Variants in FOXL2NB observed in about 807,000 individuals in gnomAD.
The protein encoded by FOXL2NB is FOXL2 neighbor protein.
Under a neutral mutation model 7.4 loss-of-function variants are expected in FOXL2NB, and 10 were observed. The observed-to-expected ratio is 1.34, with a 90% CI of 0.83 to 2.28. The LOEUF (loss-of-function observed/expected upper bound fraction) is 2.28, where lower values mean the gene tolerates loss of function less well. FOXL2NB is among the 30% of genes most tolerant of loss of function. The probability of loss-of-function intolerance (pLI) is 0.00; values close to 1 mark genes in which losing one functional copy is unlikely to be tolerated. For synonymous variants in FOXL2NB, 104 were observed against 105.3 expected (o/e 0.99, Z 0.08); for missense variants, 228 against 233.9 (o/e 0.97, Z 0.17).
Position 138,949,627 on chromosome 3 carries a change from G to T in FOXL2NB, c.208G>T (p.Ala70Ser). 1 of 1,611,956 alleles carries T rather than the reference G, an allele frequency of 6.2e-7. No individual in the cohort carries two copies. The highest frequency in any genetic ancestry group is 2.2e-5 in the East Asian group (1 of 44,876). The change falls in exon 2 of 3, where the codon GCT (alanine) becomes TCT (serine). Residue 70 changes from alanine to serine, a missense_variant. Physicochemically the swap from Ala to Ser is moderately conservative, Grantham distance 99 (BLOSUM62 1). Transcript: ENST00000383165. This position sits in a 1 kb window ranked among gnomAD's most constrained non-coding sequence, Gnocchi z 4.5. Reference protein sequence around the residue: ...CLHMAVRHSKAQKTGPGILQQ... With the variant: ...CLHMAVRHSKSQKTGPGILQQ... ...TCACATGGCTGTCCGGCATTCGAAG[G>T]CTCAGAAAACAGGCAAGAAAATGCG...
rs1936016913 is a variant in FOXL2NB at position 138,947,638 on chromosome 3, G to A, written c.100+174G>A. The A allele has an allele frequency of 7.2e-7, 1 of 1,385,504 alleles. No homozygotes were observed. The highest frequency in any genetic ancestry group is 9.3e-7 in the Non-Finnish European group (1 of 1,073,168). The allele number at this position is 1,385,504 out of a possible 1,614,324, so 85.8% of individuals were successfully genotyped here. A position where few individuals can be genotyped will look rare whatever the true frequency, so the allele number is the denominator to read the frequency against. Reference sequence around the variant, plus strand: ...GAAACGGGTGTGACTGTACGAAGAAGCCTCGGCCTGGCCTGTCCCTCGCGC... The same window carrying A: ...GAAACGGGTGTGACTGTACGAAGAAACCTCGGCCTGGCCTGTCCCTCGCGC... On this transcript the variant is annotated intron_variant, in intron 1 of 2. Coordinates refer to ENST00000383165, the MANE Select transcript of FOXL2NB (RefSeq NM_001040061.3). The surrounding 1 kb of genome is among the most constrained non-coding windows in gnomAD (Gnocchi z 5.2).
chr3:138,947,384 G>A lies in FOXL2NB; in HGVS notation c.20G>A (p.Gly7Glu). 2 of 1,548,622 alleles carry A rather than the reference G, an allele frequency of 1.3e-6. No individual in the cohort carries two copies. The highest frequency in any genetic ancestry group is 1.4e-5 in the African/African-American group (1 of 73,084). Residue 7 changes from glycine to glutamate, a missense_variant, in exon 1 of 3, where the codon GGG (glycine) becomes GAG (glutamate). Gly to Glu is a moderately conservative substitution (Grantham distance 98, BLOSUM62 -2). Transcript: ENST00000383165. The surrounding 1 kb of genome is among the most constrained non-coding windows in gnomAD (Gnocchi z 5.2). MTRTPVGSARTRPKPRK... is the reference protein window; with the variant it reads MTRTPVESARTRPKPRK... ...TGGGAGATGACGAGGACCCCGGTGG[G>A]GTCTGCCCGCACCCGGCCAAAGCCC... is the stretch of plus-strand genomic sequence containing the variant.
Position 138,949,528 on chromosome 3 carries a change from G to A in FOXL2NB, c.109G>A (p.Ala37Thr). The A allele has an allele frequency of 1.9e-6, 3 of 1,614,122 alleles. No homozygotes were observed. Among genetic ancestry groups the A allele is most frequent in the Non-Finnish European group, 2.5e-6 (3 of 1,180,022 alleles). ...QASSRLSESP[A>T]LVKKRMPDAC... ...GTCCCGTAGAGGAACAGAATCCCCA[G>A]CCCTGGTGAAGAAGAGGATGCCTGA... Residue 37 changes from alanine (A) to threonine (T), a missense_variant, in exon 2 of 3, where the codon GCC (alanine) becomes ACC (threonine). Ala to Thr is a moderately conservative substitution (Grantham distance 58, BLOSUM62 0). Transcript: ENST00000383165. The surrounding 1 kb of genome is among the most constrained non-coding windows in gnomAD (Gnocchi z 4.5).
At position 138,950,474 on chromosome 3, in the gene FOXL2NB, C is replaced by G. The variant is rs537914632; in HGVS notation, c.430C>G (p.Pro144Ala). 3 of 1,614,184 alleles carry G rather than the reference C, an allele frequency of 1.9e-6. No homozygotes were observed. In the East Asian group the frequency reaches 6.7e-5, roughly 36 times the overall value. ...CCGAAACACCCGGCGGCTTCCCGCT[C>G]CTGAGCGGGAGAGAATAGAGCTTGC... ...GPRNTRRLPA[P>A]ERERIELAAT... The change falls in exon 3 of 3, where the codon CCT becomes GCT. Residue 144 changes from proline to alanine, a missense_variant. Transcript: ENST00000383165.
In FOXL2NB at chr3:138,950,344, C is replaced by T. The variant is rs1246870395; in HGVS notation, c.300C>T (p.Arg100=). The T allele has an allele frequency of 2.5e-6, 4 of 1,610,874 alleles. No individual in the cohort carries two copies. The Admixed American group carries it at 6.8e-5, about 27-fold the overall frequency. ...SGGPALLGKR[R]GCSEAGSASL... The stretch of plus-strand genomic sequence containing the variant: ...GCCCAGCTCTACTAGGGAAGCGTCG[C>T]GGCTGCTCTGAGGCAGGCAGCGCTT... Residue 100 remains arginine, a synonymous_variant, in exon 3 of 3, where the codon CGC becomes CGT. Transcript: ENST00000383165.
At chr3:138,948,472 C>T (rs1010262043) in intron 1 of FOXL2NB, among the ~76,000 whole-genome samples, 2 of 152,196 alleles carry the variant, frequency 1.3e-5, no homozygotes, top group Admixed American at 6.5e-5. Context: ...AGTCTGCAGT[C>T]ATAAAGTATG....
Position 138,949,839 on chromosome 3 carries a change from A to G in FOXL2NB, c.220+200A>G. ...GCGGGGCGCCCTGATTTACTTCTCAACCTTCGGAGGTAGGCTGGTTGCTGG... is the reference window on the plus strand; with the variant it reads ...GCGGGGCGCCCTGATTTACTTCTCAGCCTTCGGAGGTAGGCTGGTTGCTGG... On this transcript the variant is annotated intron_variant, in intron 2 of 2. Transcript: ENST00000383165. The surrounding 1 kb of genome is among the most constrained non-coding windows in gnomAD (Gnocchi z 4.5). The G allele has an allele frequency of 2.6e-6, 2 of 757,818 alleles. No individual in the cohort carries two copies. The highest frequency in any genetic ancestry group is 2.9e-5 in the South Asian group (2 of 68,272). The allele number at this position is 757,818 out of a possible 1,614,324, so 46.9% of individuals were successfully genotyped here. A position where few individuals can be genotyped will look rare whatever the true frequency, so the allele number is the denominator to read the frequency against.
rs1936159391 is a variant in FOXL2NB, at chr3:138,952,871, G to A, written c.*2299G>A. 6.6e-6 allele frequency: 1 copy of A among 151,652 alleles called. No homozygotes were observed. Among genetic ancestry groups the A allele is most frequent in the African/African-American group, 2.4e-5 (1 of 41,218 alleles). 9.4% of individuals were successfully genotyped at this position (151,652 alleles called of 1,614,324 possible). ...TTAAACAGTTTTGGGGGAACAGGTGGTTTTTGCTTACATGGATAAGTTCTT... is the reference window on the plus strand; with the variant it reads ...TTAAACAGTTTTGGGGGAACAGGTGATTTTTGCTTACATGGATAAGTTCTT... On this transcript the variant is annotated 3_prime_UTR_variant, in exon 3 of 3. Transcript: ENST00000383165.
chr3:138,949,666 G>C lies in FOXL2NB; in HGVS notation c.220+27G>C, dbSNP rs1410292638. The C allele has an allele frequency of 6.2e-7, 1 of 1,613,738 alleles. No individual in the cohort carries two copies. Among genetic ancestry groups the C allele is most frequent in the Non-Finnish European group, 8.5e-7 (1 of 1,179,960 alleles). On this transcript the variant is annotated intron_variant, in intron 2 of 2. Coordinates refer to ENST00000383165, the MANE Select transcript of FOXL2NB (RefSeq NM_001040061.3). This position sits in a 1 kb window ranked among gnomAD's most constrained non-coding sequence, Gnocchi z 4.5. ...CAAGAAAATGCGGGCGGGAAAGCTG[G>C]CAGAATGATTACTTTCAGGTCCCCT... is the stretch of plus-strand genomic sequence containing the variant.
Position 138,950,716 on chromosome 3 carries a change from C to G in FOXL2NB, c.*144C>G. 1.2e-6 allele frequency: 1 copy of G among 825,012 alleles called. No homozygotes were observed. Among genetic ancestry groups the G allele is most frequent in the Non-Finnish European group, 1.9e-6 (1 of 517,046 alleles). 51.1% of individuals were successfully genotyped at this position (825,012 alleles called of 1,614,324 possible). On this transcript the variant is annotated 3_prime_UTR_variant, in exon 3 of 3. Transcript: ENST00000383165. Reference sequence around the variant, plus strand: ...ACTCCATCCACTTCTCTCTCCTTCTCCCTCTGTCAACTCCAAATCCCCTCT... The same window carrying G: ...ACTCCATCCACTTCTCTCTCCTTCTGCCTCTGTCAACTCCAAATCCCCTCT...
rs1936020927 is a variant in FOXL2NB at position 138,947,801 on chromosome 3, CG to C, written c.100+341del. 2.9e-5 allele frequency: 31 copies of C among 1,078,206 alleles called. No homozygotes were observed. In the South Asian group the frequency reaches 8.0e-4, roughly 28 times the overall value. The allele number at this position is 1,078,206 out of a possible 1,614,324, so 66.8% of individuals were successfully genotyped here. A position where few individuals can be genotyped will look rare whatever the true frequency, so the allele number is the denominator to read the frequency against. On this transcript the variant is annotated intron_variant, in intron 1 of 2. Transcript: ENST00000383165. The surrounding 1 kb of genome is among the most constrained non-coding windows in gnomAD (Gnocchi z 5.2). The stretch of plus-strand genomic sequence containing the variant: ...ACCAGGAATCCGTGTACTAATCCTA[CG>C]GGGTTGGAGTGAAGGTTGGATGTGT...
At position 138,949,441 on chromosome 3, in the gene FOXL2NB, G is replaced by A; in HGVS notation, c.101-79G>A. 6.4e-7 allele frequency: 1 copy of A among 1,551,512 alleles called. No individual in the cohort carries two copies. Among genetic ancestry groups the A allele is most frequent in the Non-Finnish European group, 8.8e-7 (1 of 1,137,998 alleles). On this transcript the variant is annotated intron_variant, in intron 1 of 2. Coordinates refer to ENST00000383165, the MANE Select transcript of FOXL2NB (RefSeq NM_001040061.3). The surrounding 1 kb of genome is among the most constrained non-coding windows in gnomAD (Gnocchi z 4.5). ...GTAGGGGTTGGGGGCAAATGAAGGA[G>A]TTCCTCTGAAGGATTTTCAGAATAG...
chr3:138,950,874 C>T lies in FOXL2NB; in HGVS notation c.*302C>T. ...GCTTTTCACACGCTGCTCACTTTCG[C>T]ATCTCACGGTGCAGAAGGACCAATG... On this transcript the variant is annotated 3_prime_UTR_variant, in exon 3 of 3. Coordinates refer to ENST00000383165, the MANE Select transcript of FOXL2NB (RefSeq NM_001040061.3). 2.5e-6 allele frequency: 1 copy of T among 404,972 alleles called. No homozygotes were observed. The highest frequency in any genetic ancestry group is 3.0e-5 in the South Asian group (1 of 33,458). 25.1% of individuals were successfully genotyped at this position (404,972 alleles called of 1,614,324 possible). A position where few individuals can be genotyped will look rare whatever the true frequency, so the allele number is the denominator to read the frequency against.
At position 138,951,570 on chromosome 3, in the gene FOXL2NB, T is replaced by C. The variant is rs1046214124; in HGVS notation, c.*998T>C. ...GAAAAAGGCAGAAGGGTCTGGGTCC[T>C]GGGCCAAGTGAGGCCCTCTTCCCTC... On this transcript the variant is annotated 3_prime_UTR_variant, in exon 3 of 3. Transcript: ENST00000383165. 2.0e-5 allele frequency: 3 copies of C among 152,272 alleles called. No individual in the cohort carries two copies. The highest frequency in any genetic ancestry group is 7.2e-5 in the African/African-American group (3 of 41,470). The allele number at this position is 152,272 out of a possible 1,614,324, so 9.4% of individuals were successfully genotyped here. A position where few individuals can be genotyped will look rare whatever the true frequency, so the allele number is the denominator to read the frequency against.
Position 138,950,635 on chromosome 3 carries a change from A to G in FOXL2NB, c.*63A>G. The G allele has an allele frequency of 1.3e-6, 2 of 1,570,358 alleles. No homozygotes were observed. The highest frequency in any genetic ancestry group is 1.1e-5 in the South Asian group (1 of 87,820). On this transcript the variant is annotated 3_prime_UTR_variant, in exon 3 of 3. Coordinates refer to ENST00000383165, the MANE Select transcript of FOXL2NB (RefSeq NM_001040061.3). Reference sequence around the variant, plus strand: ...CACTCACTCCCTCCCGGCCCCTCACAGGGCCCTTTGCACCCACACCTCAGG... The same window carrying G: ...CACTCACTCCCTCCCGGCCCCTCACGGGGCCCTTTGCACCCACACCTCAGG...
chr3:138,949,580 T>A lies in FOXL2NB; in HGVS notation c.161T>A (p.Ile54Asn). The change falls in exon 2 of 3, where the codon ATC (isoleucine) becomes AAC (asparagine). Residue 54 changes from isoleucine (I) to asparagine (N), a missense_variant. Coordinates refer to ENST00000383165, the MANE Select transcript of FOXL2NB (RefSeq NM_001040061.3). This position sits in a 1 kb window ranked among gnomAD's most constrained non-coding sequence, Gnocchi z 4.5. Reference protein sequence around the residue: ...PDACTLGRAGIGLPKMCLHMA... With the variant: ...PDACTLGRAGNGLPKMCLHMA... ...GCGTGCACCCTGGGAAGGGCTGGAA[T>A]CGGTCTCCCCAAGATGTGCCTTCAC... 1 of 1,613,910 alleles carries A rather than the reference T, an allele frequency of 6.2e-7. No homozygotes were observed. Among genetic ancestry groups the A allele is most frequent in the Non-Finnish European group, 8.5e-7 (1 of 1,179,824 alleles).
Position 138,951,025 on chromosome 3 carries a change from G to A in FOXL2NB, c.*453G>A. ...ATGGGACTGCCGCACAGACCACAGAGAAGCTCAGGTACTGAGCACGTTCCA... is the reference window on the plus strand; with the variant it reads ...ATGGGACTGCCGCACAGACCACAGAAAAGCTCAGGTACTGAGCACGTTCCA... On this transcript the variant is annotated 3_prime_UTR_variant, in exon 3 of 3. Transcript: ENST00000383165. 2 of 192,768 alleles carry A rather than the reference G, an allele frequency of 1.0e-5. No individual in the cohort carries two copies. Among genetic ancestry groups the A allele is most frequent in the Non-Finnish European group, 2.1e-5 (2 of 96,222 alleles). 11.9% of individuals were successfully genotyped at this position (192,768 alleles called of 1,614,324 possible).
At position 138,950,303 on chromosome 3, in the gene FOXL2NB, C is replaced by G; in HGVS notation, c.259C>G (p.Pro87Ala). 1 of 1,606,838 alleles carries G rather than the reference C, an allele frequency of 6.2e-7. No homozygotes were observed. Among genetic ancestry groups the G allele is most frequent in the Non-Finnish European group, 8.5e-7 (1 of 1,178,254 alleles). The change falls in exon 3 of 3, where the codon CCT (proline) becomes GCT (alanine). Residue 87 changes from proline to alanine, a missense_variant. Coordinates refer to ENST00000383165, the MANE Select transcript of FOXL2NB (RefSeq NM_001040061.3). Reference protein sequence around the residue: ...ILQQRQKPPAPRASGGPALLG... With the variant: ...ILQQRQKPPAARASGGPALLG... ...GCAACAGCGGCAGAAGCCGCCCGCG[C>G]CTCGGGCTTCCGGCGGCCCAGCTCT... is the stretch of plus-strand genomic sequence containing the variant.
rs1936076725 is a variant in FOXL2NB, at chr3:138,949,680, TTCAGG to T, written c.220+44_220+48del. ...CGGGAAAGCTGGCAGAATGATTACT[TTCAGG>T]TCCCCTCCAGGCTTCTGCGGAAAAG... On this transcript the variant is annotated intron_variant, in intron 2 of 2. Coordinates refer to ENST00000383165, the MANE Select transcript of FOXL2NB (RefSeq NM_001040061.3). This position sits in a 1 kb window ranked among gnomAD's most constrained non-coding sequence, Gnocchi z 4.5. The T allele has an allele frequency of 1.2e-6, 2 of 1,613,428 alleles. No homozygotes were observed. The highest frequency in any genetic ancestry group is 8.5e-7 in the Non-Finnish European group (1 of 1,179,768).
Sources: allele counts gnomAD v4.1 joint callset (sites outside exome capture counted in the v4.1 genomes callset), GRCh38; gene constraint gnomAD v4.1.1; non-coding constraint Gnocchi (gnomAD v3.1); transcripts MANE v1.5; gene names NCBI Gene and HGNC (gene_info 2026-07-23, HGNC 2026-07-21).